Variants in EYS observed in about 807,000 individuals in gnomAD.
The protein encoded by EYS is protein eyes shut homolog.
In EYS, 250 loss-of-function variants were observed where a neutral mutation model predicts 282.1. The observed-to-expected ratio is 0.89, with a 90% CI of 0.80 to 0.98. The LOEUF (loss-of-function observed/expected upper bound fraction) is 0.98. Among genes scored for constraint, EYS ranks in the 50% least tolerant of loss-of-function variants. The probability of loss-of-function intolerance (pLI) is 0.00; values close to 1 mark genes in which losing one functional copy is unlikely to be tolerated. For missense variants in EYS, 4,016 were observed against 3,709.0 expected (o/e 1.08, Z -2.15); for synonymous variants, 1,355 against 1,282.9 (o/e 1.06, Z -1.20).
chr6:64,792,572 T>A (rs1340965719), intron 22 of EYS, among the ~76,000 whole-genome samples: 1 of 151,958 alleles, frequency 6.6e-6, no homozygotes, highest in Non-Finnish European at 1.5e-5. Flanking sequence ...TGAGATCAAT[T>A]GCCATTGAAA....
At chr6:64,799,274 C>T (rs958316823) in intron 22 of EYS, among the ~76,000 whole-genome samples, 1 of 151,692 alleles carries the variant, frequency 6.6e-6, no homozygotes, top group Non-Finnish European at 1.5e-5. Flanking sequence ...TTTTCTTATG[C>T]TTTGATACCA....
intron 19 of EYS, among the ~76,000 whole-genome samples, chr6:64,873,081 GAC>G (rs1257403292): frequency 6.6e-6 from 1 of 152,002 alleles, no homozygotes; most frequent in Non-Finnish European, 1.5e-5. Flanking sequence ...TGCTGATAAA[GAC>G]ACATCTGAGA....
intron 22 of EYS, among the ~76,000 whole-genome samples, chr6:64,641,381 G>C (rs1273913653): frequency 1.3e-5 from 2 of 152,072 alleles, no homozygotes; most frequent in Non-Finnish European, 2.9e-5. Flanking sequence ...ACAACATGTG[G>C]GAAATCAAGA....
At chr6:65,021,012 C>T (rs990337006) in intron 13 of EYS, among the ~76,000 whole-genome samples, 2 of 152,140 alleles carry the variant, frequency 1.3e-5, no homozygotes, top group African/African-American at 4.8e-5. Context: ...CCCAGTCCAG[C>T]AAACCATTTT....
chr6:64,907,765 C>T (rs751479200), intron 16 of EYS, among the ~76,000 whole-genome samples: 1 of 151,970 alleles, frequency 6.6e-6, no homozygotes, highest in Non-Finnish European at 1.5e-5. Flanking sequence ...CATGCCCAGA[C>T]ATAGGTAAAT....
At position 64,085,338 on chromosome 6, in the gene EYS, G is replaced by GCACACACACA. The variant is rs749247868; in HGVS notation, c.6425-3337_6425-3336insTGTGTGTGTG. Among the ~76,000 whole-genome samples, 250 of 85,602 alleles carry GCACACACACA rather than the reference G, an allele frequency of 2.9e-3. 1 individual carries two copies. The highest frequency in any genetic ancestry group is 0.024 in the South Asian group (63 of 2,606). The allele number at this position is 85,602 out of a possible 152,430, so 56.2% of individuals were successfully genotyped here. Reference sequence around the variant, plus strand: ...GACGCGCGCGCGTGCGCACGTGCGCGCGCACACACACACACACACACACAC... The same window carrying GCACACACACA: ...GACGCGCGCGCGTGCGCACGTGCGCGCACACACACACGCACACACACACACACACACACAC... On this transcript the variant is annotated intron_variant, in intron 31 of 42. Coordinates refer to ENST00000503581, the MANE Select transcript of EYS (RefSeq NM_001142800.2).
intron 31 of EYS, among the ~76,000 whole-genome samples, chr6:64,152,848 T>G (rs550020458): frequency 2.0e-5 from 3 of 152,208 alleles, no homozygotes; most frequent in South Asian, 4.2e-4. Flanking sequence ...GAGAGAAAAT[T>G]TATCTAAAAT....
intron 12 of EYS, among the ~76,000 whole-genome samples, chr6:65,194,523 T>C (rs1765718158): frequency 6.6e-6 from 1 of 152,036 alleles, no homozygotes; most frequent in African/African-American, 2.4e-5. Context: ...ACCCCTTGTG[T>C]TTTCCTCCAT....
intron 26 of EYS, among the ~76,000 whole-genome samples, chr6:64,460,750 TAAG>T (rs1775719395): frequency 6.6e-6 from 1 of 152,218 alleles, no homozygotes; most frequent in African/African-American, 2.4e-5. Flanking sequence ...TTCTGATAGT[TAAG>T]AGGAGGAGTA....
intron 26 of EYS, among the ~76,000 whole-genome samples, chr6:64,481,613 T>C (rs16895260): frequency 0.038 from 5,735 of 151,552 alleles, 267 homozygotes; most frequent in East Asian, 0.11. Context: ...ATTCATGTCA[T>C]AGAATGTTAG....
At chr6:65,671,537 T>C (rs1768390840) in intron 1 of EYS, among the ~76,000 whole-genome samples, 1 of 152,060 alleles carries the variant, frequency 6.6e-6, no homozygotes, top group Non-Finnish European at 1.5e-5. Flanking sequence ...GACACAAAAA[T>C]ATTAGGAATA....
intron 22 of EYS, among the ~76,000 whole-genome samples, chr6:64,808,530 C>T (rs1359896289): frequency 6.6e-6 from 1 of 151,924 alleles, no homozygotes; most frequent in Non-Finnish European, 1.5e-5. Context: ...AAATAAATTC[C>T]TAACAGGTTC....
At chr6:64,612,289 C>CT (rs1232630984) in intron 24 of EYS, among the ~76,000 whole-genome samples, 1 of 152,056 alleles carries the variant, frequency 6.6e-6, no homozygotes, top group Non-Finnish European at 1.5e-5. Flanking sequence ...TTCATCGACT[C>CT]TATCATTTAC....
intron 31 of EYS, among the ~76,000 whole-genome samples, chr6:64,179,238 A>G (rs879344208): frequency 6.6e-5 from 10 of 152,094 alleles, no homozygotes; most frequent in Non-Finnish European, 1.5e-4. Flanking sequence ...ATATAAGAAT[A>G]GAAGATAAAG....
At chr6:65,639,625 A>C (rs558946236) in intron 2 of EYS, among the ~76,000 whole-genome samples, 153 bp downstream of exon 2, 1 of 152,270 alleles carries the variant, frequency 6.6e-6, no homozygotes, top group South Asian at 2.1e-4. Flanking sequence ...TAGTAGAGCC[A>C]AAAACGATAA....
chr6:64,961,605 T>C (rs1769921227), intron 14 of EYS, among the ~76,000 whole-genome samples: 1 of 152,096 alleles, frequency 6.6e-6, no homozygotes, highest in Non-Finnish European at 1.5e-5. Flanking sequence ...CTAGGAATAA[T>C]GTTTTTCAAA....
At chr6:64,608,258 A>G (rs1396200024) in intron 24 of EYS, among the ~76,000 whole-genome samples, 1 of 152,076 alleles carries the variant, frequency 6.6e-6, no homozygotes, top group Non-Finnish European at 1.5e-5. Flanking sequence ...GGAGAACAGA[A>G]GTAGGTAATA....
chr6:65,254,499 T>A (rs752614124), intron 12 of EYS, among the ~76,000 whole-genome samples: 1 of 152,006 alleles, frequency 6.6e-6, no homozygotes, highest in South Asian at 2.1e-4. Context: ...TTTTGAATGA[T>A]AAATAACTTT....
chr6:64,707,389 G>A (rs1311251024), intron 22 of EYS, among the ~76,000 whole-genome samples: 2 of 152,044 alleles, frequency 1.3e-5, no homozygotes, highest in African/African-American at 4.8e-5. Flanking sequence ...CATATTGGGG[G>A]CCAGGCATGG....
Sources: allele counts gnomAD v4.1 joint callset (sites outside exome capture counted in the v4.1 genomes callset), GRCh38; gene constraint gnomAD v4.1.1; transcripts MANE v1.5; gene names NCBI Gene and HGNC (gene_info 2026-07-23, HGNC 2026-07-21).